Variants in PHACTR1 observed in about 807,000 individuals in gnomAD.
PHACTR1 encodes the protein phosphatase and actin regulator 1, also known as RPEL repeat containing 1.
In PHACTR1, 16 loss-of-function variants were observed where a neutral mutation model predicts 69.2. The observed-to-expected ratio is 0.23, with a 90% CI of 0.16 to 0.35. The LOEUF is 0.35. Among genes scored for constraint, PHACTR1 ranks in the 10% least tolerant of loss-of-function variants. The pLI is 1.00. For missense variants in PHACTR1, 510 were observed against 734.7 expected, an observed-to-expected ratio of 0.69 and a Z score of 3.54; for synonymous variants, 312 against 284.5, an observed-to-expected ratio of 1.10 and a Z score of -0.97.
intron 4 of PHACTR1, among the ~76,000 whole-genome samples, chr6:12,852,946 T>G (rs1237048642): frequency 6.6e-6 from 1 of 152,170 alleles, no homozygotes; most frequent in Non-Finnish European, 1.5e-5. Flanking sequence ...TCACCTTCCT[T>G]TATCAGCACT....
chr6:12,843,828 A>G (rs1778932399), intron 4 of PHACTR1, among the ~76,000 whole-genome samples: 1 of 152,236 alleles, frequency 6.6e-6, no homozygotes, highest in Non-Finnish European at 1.5e-5. Context: ...CTCTTCACTG[A>G]AAACAGGTCA....
intron 5 of PHACTR1, among the ~76,000 whole-genome samples, chr6:13,159,113 T>C (rs1024641696): frequency 1.3e-5 from 2 of 152,130 alleles, no homozygotes; most frequent in East Asian, 3.9e-4. Context: ...TTCTACTTGA[T>C]TTGCCCCCCA....
chr6:12,976,669 T>C (rs1794915280), intron 4 of PHACTR1, among the ~76,000 whole-genome samples: 2 of 152,232 alleles, frequency 1.3e-5, no homozygotes, highest in South Asian at 4.1e-4. Flanking sequence ...TCTGATATTG[T>C]GATGAAATCT....
At chr6:13,190,459 T>G (rs545336013) in intron 7 of PHACTR1, among the ~76,000 whole-genome samples, 1 of 152,210 alleles carries the variant, frequency 6.6e-6, no homozygotes, top group Non-Finnish European at 1.5e-5. Context: ...TTTCAACAGA[T>G]GAATTTAGGA....
chr6:13,215,428 G>A (rs1258245289), intron 8 of PHACTR1, among the ~76,000 whole-genome samples: 1 of 152,174 alleles, frequency 6.6e-6, no homozygotes, highest in African/African-American at 2.4e-5. Flanking sequence ...GAGGAGAATG[G>A]GAATGAGAGA....
At chr6:13,180,295 G>A (rs1300292058) in intron 6 of PHACTR1, among the ~76,000 whole-genome samples, 5 of 152,168 alleles carry the variant, frequency 3.3e-5, no homozygotes. Flanking sequence ...TAACAGTGGA[G>A]TTCCCAAGCT....
At chr6:12,812,457 C>G (rs1775125699) in intron 4 of PHACTR1, among the ~76,000 whole-genome samples, 2 of 152,200 alleles carry the variant, frequency 1.3e-5, no homozygotes, top group South Asian at 2.1e-4. Flanking sequence ...ATTATTAACC[C>G]TATGTTGCTG....
intron 4 of PHACTR1, among the ~76,000 whole-genome samples, chr6:13,016,583 G>T (rs987475182): frequency 6.6e-6 from 1 of 150,778 alleles, no homozygotes; most frequent in African/African-American, 2.4e-5. Context: ...TTATTGAGAG[G>T]TACATAAAAG....
intron 5 of PHACTR1, among the ~76,000 whole-genome samples, chr6:13,119,562 C>T (rs1818386589): frequency 6.6e-6 from 1 of 152,102 alleles, no homozygotes; most frequent in Non-Finnish European, 1.5e-5. Flanking sequence ...GGGAAGAGGC[C>T]CCCAGAGCTC....
In PHACTR1 at chr6:12,952,361, C is replaced by T. The variant is rs571123368; in HGVS notation, c.251-101004C>T. Among the ~76,000 whole-genome samples, 21 of 152,298 alleles carry T rather than the reference C, an allele frequency of 1.4e-4. No individual in the cohort carries two copies. The South Asian group carries it at 3.5e-3, about 26-fold the overall frequency. On this transcript the variant is annotated intron_variant, in intron 4 of 14. Coordinates refer to ENST00000332995, the MANE Select transcript of PHACTR1 (RefSeq NM_030948.6). ...TCATCTGAGCAGAGTAGTTTCCCTG[C>T]CCTAAAAATCCTCTGTGCTCCACTC...
chr6:13,134,159 TG>T (rs879199449), intron 5 of PHACTR1, among the ~76,000 whole-genome samples: 4 of 149,458 alleles, frequency 2.7e-5, no homozygotes, highest in South Asian at 2.1e-4. Flanking sequence ...CTCCAGGAGG[TG>T]GGGGGCAGCC....
chr6:12,909,820 C>A (rs933554457), intron 4 of PHACTR1, among the ~76,000 whole-genome samples: 2 of 152,202 alleles, frequency 1.3e-5, no homozygotes, highest in East Asian at 3.8e-4. Flanking sequence ...TTGAAATTTC[C>A]CTAGAAGACA....
intron 4 of PHACTR1, among the ~76,000 whole-genome samples, chr6:12,969,469 T>C (rs1793907136): frequency 1.3e-5 from 2 of 152,174 alleles, no homozygotes; most frequent in South Asian, 4.1e-4. Context: ...AGGCCTGATA[T>C]GGTGACTCAT....
intron 10 of PHACTR1, among the ~76,000 whole-genome samples, chr6:13,240,917 G>A (rs1013074310): frequency 2.0e-5 from 3 of 152,154 alleles, no homozygotes; most frequent in Admixed American, 1.3e-4. Context: ...CAAGGTGGCC[G>A]CTACTGGGAA....
chr6:13,224,101 C>T (rs1769154121), intron 8 of PHACTR1, among the ~76,000 whole-genome samples: 4 of 152,198 alleles, frequency 2.6e-5, no homozygotes, highest in Admixed American at 2.6e-4. Flanking sequence ...AAGCAATAGA[C>T]AATTACTGAG....
At chr6:13,190,139 TCAGCCTC>T (rs1188320042) in intron 7 of PHACTR1, among the ~76,000 whole-genome samples, 5 of 148,292 alleles carry the variant, frequency 3.4e-5, no homozygotes, top group Non-Finnish European at 5.9e-5. Flanking sequence ...TTCTCCTGCC[TCAGCCTC>T]CCGAGTAGCT....
intron 5 of PHACTR1, among the ~76,000 whole-genome samples, chr6:13,101,000 A>T (rs1815069378): frequency 1.3e-5 from 2 of 152,220 alleles, no homozygotes; most frequent in African/African-American, 4.8e-5. Flanking sequence ...CCCTCCAGAG[A>T]TCCTGATTTA....
chr6:13,002,586 G>A (rs1188691418), intron 4 of PHACTR1, among the ~76,000 whole-genome samples: 1 of 152,130 alleles, frequency 6.6e-6, no homozygotes, highest in Non-Finnish European at 1.5e-5. Flanking sequence ...GAAGCAGTGT[G>A]ATCTATTGGT....
At chr6:12,889,764 CTCT>C (rs1281406231) in intron 4 of PHACTR1, among the ~76,000 whole-genome samples, 9 of 149,074 alleles carry the variant, frequency 6.0e-5, no homozygotes, top group Admixed American at 1.3e-4. Flanking sequence ...CTTCTTCTTC[CTCT>C]TCTTCTCCTC....
Sources: gnomAD v4.1 joint callset for allele counts (sites outside exome capture counted in the v4.1 genomes callset) on GRCh38, gnomAD v4.1.1 for gene constraint, MANE v1.5 for transcripts, NCBI Gene and HGNC (gene_info 2026-07-23, HGNC 2026-07-21) for gene names.